SPATA13: variants seen among roughly 807,000 people sequenced by gnomAD.
SPATA13 encodes the protein spermatogenesis-associated protein 13.
A neutral mutation model predicts 104.0 loss-of-function variants in SPATA13; 50 were observed. The ratio of observed to expected loss-of-function variants is 0.48; its 90% confidence interval spans 0.38 to 0.61. SPATA13 has a LOEUF of 0.61. SPATA13 is among the 20% of genes least tolerant of loss of function. The pLI is 0.00. For synonymous variants in SPATA13, 606 were observed against 667.5 expected (o/e 0.91, Z 1.42); for missense variants, 1,524 against 1,690.6 (o/e 0.90, Z 1.73).
At chr13:24,001,135 C>A (rs187062547) in intron 2 of SPATA13, among the ~76,000 whole-genome samples, 1 of 152,176 alleles carries the variant, frequency 6.6e-6, no homozygotes, top group African/African-American at 2.4e-5. Flanking sequence ...ACTCTCACCC[C>A]CTACTCTCTC....
At chr13:24,120,735 G>A (rs952790897) in intron 3 of SPATA13, among the ~76,000 whole-genome samples, 4 of 152,196 alleles carry the variant, frequency 2.6e-5, no homozygotes, top group Admixed American at 2.6e-4. Context: ...CAAAATTAAG[G>A]TATCCTCTTT....
At chr13:24,028,538 CT>C (rs970265602) in intron 3 of SPATA13, among the ~76,000 whole-genome samples, 1 of 152,116 alleles carries the variant, frequency 6.6e-6, no homozygotes, top group Non-Finnish European at 1.5e-5. Flanking sequence ...GCTTTGAAAT[CT>C]TTTTTTGACT....
intron 12 of SPATA13, 57 bp downstream of exon 12, chr13:24,300,532 G>A: frequency 6.6e-7 from 1 of 1,512,104 alleles, no homozygotes; most frequent in Middle Eastern, 1.7e-4. Flanking sequence ...TCCTGAAAAT[G>A]GGAGCATACC....
At chr13:24,207,431 T>A (rs556891384) in intron 1 of SPATA13, among the ~76,000 whole-genome samples, 98 of 152,306 alleles carry the variant, frequency 6.4e-4, no homozygotes, top group Non-Finnish European at 1.1e-3. Context: ...TCAGTTCTTT[T>A]GGGTATATCT....
At chr13:23,986,905 AG>A (rs1399890308) in intron 2 of SPATA13, among the ~76,000 whole-genome samples, 1 of 152,076 alleles carries the variant, frequency 6.6e-6, no homozygotes, top group African/African-American at 2.4e-5. Context: ...CAAGGAGTTC[AG>A]CATATTGAGA....
intron 2 of SPATA13, among the ~76,000 whole-genome samples, chr13:24,228,050 A>C (rs1026056551): frequency 1.3e-5 from 2 of 149,856 alleles, no homozygotes; most frequent in African/African-American, 4.9e-5. Context: ...GATTACAGGC[A>C]CCTGCCAGCA....
At chr13:24,295,713 A>G (rs1222381109) in intron 10 of SPATA13, among the ~76,000 whole-genome samples, 2 of 151,992 alleles carry the variant, frequency 1.3e-5, no homozygotes, top group Non-Finnish European at 2.9e-5. Context: ...ATTCATAAAA[A>G]CAGTGACAAT....
chr13:24,183,849 A>C (rs1868966897), intron 1 of SPATA13, among the ~76,000 whole-genome samples: 1 of 152,138 alleles, frequency 6.6e-6, no homozygotes, highest in South Asian at 2.1e-4. Context: ...ACTCACTCTC[A>C]TCCTGGTTTT....
intron 3 of SPATA13, among the ~76,000 whole-genome samples, chr13:24,022,517 CA>C (rs1185868136): frequency 2.0e-5 from 3 of 152,088 alleles, no homozygotes; most frequent in Admixed American, 1.3e-4. Context: ...TTTTGCAAGA[CA>C]AAAACCTTCT....
intron 4 of SPATA13, among the ~76,000 whole-genome samples, chr13:24,279,434 C>T (rs1165304185): frequency 1.3e-5 from 2 of 152,138 alleles, no homozygotes; most frequent in Admixed American, 6.5e-5. Flanking sequence ...TTGGCAGCAT[C>T]GCTCTGGCAG....
At chr13:24,249,872 A>C (rs1873387644) in intron 3 of SPATA13, 30 bp downstream of exon 3, 1 of 1,548,812 alleles carries the variant, frequency 6.5e-7, no homozygotes, top group Non-Finnish European at 8.7e-7. Flanking sequence ...TCCCCAAGCC[A>C]GCAGAGGCCC....
At chr13:24,228,215 G>A (rs902596092) in intron 2 of SPATA13, among the ~76,000 whole-genome samples, 8 of 145,972 alleles carry the variant, frequency 5.5e-5, no homozygotes, top group East Asian at 2.0e-4. Flanking sequence ...CCGGGTTCAC[G>A]CCATTCTCCT....
intron 12 of SPATA13, 68 bp from the exon 13 acceptor site, chr13:24,302,530 A>T: frequency 1.4e-6 from 1 of 711,168 alleles, no homozygotes; most frequent in South Asian, 2.3e-5. Context: ...CAGCATTTTT[A>T]TTTTTTTCCT....
At chr13:24,106,739 A>T (rs1880467180) in intron 3 of SPATA13, among the ~76,000 whole-genome samples, 2 of 152,222 alleles carry the variant, frequency 1.3e-5, no homozygotes, top group Non-Finnish European at 2.9e-5. Context: ...TGTGCACTTT[A>T]CAGAGGTCCC....
chr13:24,224,133 C>T lies in SPATA13; in HGVS notation c.1204C>T (p.His402Tyr). Residue 402 changes from histidine (H) to tyrosine (Y), a missense_variant, in exon 2 of 13, where the codon CAC (histidine) becomes TAC (tyrosine). Around this residue, in one of 2 missense-constraint regions of SPATA13, gnomAD observed 1,089 missense variants for 1,135.9 expected, o/e 0.96. Coordinates refer to ENST00000382108, the MANE Select transcript of SPATA13 (RefSeq NM_001166271.3). ...CGGCTCAGCCACCTCTAAGGGGCCC[C>T]ACCTAGACGCTGACACTGCCGTATT... ...GFGSATSKGP[H>Y]LDADTAVFPL... 1 of 1,551,724 alleles carries T rather than the reference C, an allele frequency of 6.4e-7. No individual in the cohort carries two copies. Among genetic ancestry groups the T allele is most frequent in the Non-Finnish European group, 8.7e-7 (1 of 1,146,994 alleles).
chr13:24,125,543 A>G (rs1194071271), intron 3 of SPATA13, among the ~76,000 whole-genome samples: 1 of 152,178 alleles, frequency 6.6e-6, no homozygotes, highest in Non-Finnish European at 1.5e-5. Context: ...CACAGTTTCT[A>G]AAATTCACCA....
intron 11 of SPATA13, among the ~76,000 whole-genome samples, chr13:24,299,950 C>T (rs1221391759): frequency 1.3e-5 from 2 of 152,184 alleles, no homozygotes; most frequent in Admixed American, 6.5e-5. Flanking sequence ...GTACAGAATC[C>T]GCTACCTGCT....
intron 3 of SPATA13, among the ~76,000 whole-genome samples, chr13:24,083,563 A>G (rs184519256): frequency 1.3e-5 from 2 of 152,212 alleles, no homozygotes; most frequent in Non-Finnish European, 2.9e-5. Flanking sequence ...GGTTTCCCTA[A>G]GTTTCCAAGC....
At chr13:24,265,666 T>A (rs573757168) in intron 4 of SPATA13, among the ~76,000 whole-genome samples, 2 of 152,272 alleles carry the variant, frequency 1.3e-5, no homozygotes, top group African/African-American at 4.8e-5. Context: ...TCTTGGCTGA[T>A]GTGCCCATCC....
Sources: allele counts gnomAD v4.1 joint callset (sites outside exome capture counted in the v4.1 genomes callset), GRCh38; gene constraint gnomAD v4.1.1; regional missense constraint gnomAD v4.1.1; transcripts MANE v1.5; gene names NCBI Gene and HGNC (gene_info 2026-07-23, HGNC 2026-07-21).